Variants in LARGE1 observed in about 807,000 individuals in gnomAD.
LARGE1 encodes xylosyl- and glucuronyltransferase LARGE1.
LARGE1 carries 43 observed loss-of-function variants against 87.6 expected under a neutral mutation model. The ratio of observed to expected loss-of-function variants is 0.49; its 90% confidence interval spans 0.38 to 0.63. The LOEUF (loss-of-function observed/expected upper bound fraction) is 0.63. Ranked by LOEUF, LARGE1 falls within the 30% of genes least tolerant of loss-of-function variation. The probability of loss-of-function intolerance (pLI) is 0.00; values close to 1 mark genes in which losing one functional copy is unlikely to be tolerated. For missense variants in LARGE1, 802 were observed against 1,000.2 expected (o/e 0.80, Z 2.67); for synonymous variants, 434 against 394.6 (o/e 1.10, Z -1.18).
chr22:33,266,253 C>A lies in LARGE1; in HGVS notation c.1730+37976G>T, dbSNP rs1439973640. Among the ~76,000 whole-genome samples, 3 of 124,680 alleles carry A rather than the reference C, an allele frequency of 2.4e-5. No homozygotes were observed. In the East Asian group the frequency reaches 6.7e-4, roughly 28 times the overall value. The allele number at this position is 124,680 out of a possible 152,430, so 81.8% of individuals were successfully genotyped here. On this transcript the variant is annotated intron_variant, in intron 11 of 11. Coordinates refer to the LARGE1 transcript ENST00000608642. ...TTTTTTTTTTTGAGATGGAGTTTCG[C>A]TCTTGTTGCCCAGGCTGGAGTGCAA...
chr22:33,581,717 C>T (rs148433221), intron 5 of LARGE1, among the ~76,000 whole-genome samples: 311 of 149,508 alleles, frequency 2.1e-3, no homozygotes, highest in African/African-American at 7.4e-3. Flanking sequence ...GAAGCTGAGG[C>T]AGGAGAATTG....
In LARGE1 at chr22:33,361,637, G is replaced by A. The variant is rs1045093347; in HGVS notation, c.1131+20282C>T. 2.7e-5 allele frequency among the ~76,000 whole-genome samples: 4 copies of A among 147,316 alleles called. 1 individual carries two copies. The highest frequency in any genetic ancestry group is 1.0e-4 in the African/African-American group (4 of 39,928). On this transcript the variant is annotated intron_variant, in intron 9 of 14. Coordinates refer to ENST00000397394, the MANE Select transcript of LARGE1 (RefSeq NM_133642.5). ...AGGAAGAGAGTTCAGGTGTCTGGGA[G>A]TTTGGATATCAAGATTCAGCTCAGG...
rs538926392 is a variant in LARGE1 at position 33,888,214 on chromosome 22, T to C, written c.-83+31781A>G. On this transcript the variant is annotated intron_variant, in intron 1 of 14. Transcript: ENST00000397394. ...GTAGTCACATTCATGACCCAGAAGA[T>C]GCTTATATTAATTTTAGATGACATC... Among the ~76,000 whole-genome samples the C allele has an allele frequency of 3.3e-5, 5 of 152,078 alleles. No homozygotes were observed. In the East Asian group the frequency reaches 9.7e-4, roughly 29 times the overall value.
At chr22:33,207,123 G>GT (rs77619341) in intron 11 of LARGE1, among the ~76,000 whole-genome samples, 33,464 of 151,958 alleles carry the variant, frequency 0.22, 4,077 homozygotes, top group Middle Eastern at 0.34. Flanking sequence ...TGAAAGCATG[G>GT]TTTTCCTCTT....
intron 6 of LARGE1, among the ~76,000 whole-genome samples, chr22:33,515,922 C>A (rs967999006): frequency 6.6e-6 from 1 of 152,182 alleles, no homozygotes; most frequent in Non-Finnish European, 1.5e-5. Flanking sequence ...GTGTATTCCA[C>A]ACACACAGCA....
chr22:33,290,326 C>A (rs1395302556), intron 12 of LARGE1, among the ~76,000 whole-genome samples: 5 of 152,204 alleles, frequency 3.3e-5, no homozygotes, highest in African/African-American at 1.2e-4. Flanking sequence ...GACAACTTCA[C>A]CTCCTCGGAG....
At chr22:33,265,437 G>A (rs1927881311) in intron 11 of LARGE1, among the ~76,000 whole-genome samples, 1 of 152,172 alleles carries the variant, frequency 6.6e-6, no homozygotes, top group African/African-American at 2.4e-5. Context: ...TGTGGCAATA[G>A]TCCTGAATAG....
At chr22:33,307,229 A>G (rs936756543) in intron 11 of LARGE1, among the ~76,000 whole-genome samples, 2 of 152,180 alleles carry the variant, frequency 1.3e-5, no homozygotes, top group African/African-American at 2.4e-5. Flanking sequence ...CATAGTAACT[A>G]TAATATTGAG....
chr22:33,618,076 C>T (rs796193123), intron 4 of LARGE1, among the ~76,000 whole-genome samples: 5 of 152,168 alleles, frequency 3.3e-5, no homozygotes, highest in Admixed American at 6.5e-5. Context: ...GAAAAGAAAG[C>T]GCGTGTGACA....
At chr22:33,628,868 G>C (rs2149087089) in intron 3 of LARGE1, among the ~76,000 whole-genome samples, 1 of 152,210 alleles carries the variant, frequency 6.6e-6, no homozygotes, top group East Asian at 1.9e-4. Context: ...GGGGGGCAGG[G>C]GGATGCTACT....
At chr22:33,292,508 G>A (rs1179018500) in intron 12 of LARGE1, among the ~76,000 whole-genome samples, 1 of 152,124 alleles carries the variant, frequency 6.6e-6, no homozygotes, top group Non-Finnish European at 1.5e-5. Context: ...AGGCTGATGG[G>A]GAGAGAGCAC....
intron 6 of LARGE1, among the ~76,000 whole-genome samples, chr22:33,453,579 C>G (rs1173534649): frequency 6.6e-6 from 1 of 152,184 alleles, no homozygotes; most frequent in Non-Finnish European, 1.5e-5. Context: ...ATGGTTCACT[C>G]TTATCACTGA....
intron 1 of LARGE1, among the ~76,000 whole-genome samples, chr22:33,796,413 G>A (rs561266618): frequency 4.0e-4 from 61 of 152,278 alleles, no homozygotes; most frequent in Non-Finnish European, 2.6e-4. Context: ...CTTCTGACTG[G>A]GAGGACACCA....
chr22:33,100,402 G>T, the LARGE1 span, among the ~76,000 whole-genome samples: 1 of 137,640 alleles, frequency 7.3e-6, no homozygotes, highest in Non-Finnish European at 1.6e-5. Context: ...ATAAATCTAA[G>T]TTCATCAAAA....
At chr22:33,367,758 C>A (rs1438166434) in intron 9 of LARGE1, among the ~76,000 whole-genome samples, 1 of 152,106 alleles carries the variant, frequency 6.6e-6, no homozygotes, top group Non-Finnish European at 1.5e-5. Flanking sequence ...AATATATCAT[C>A]TTGAGTTGCA....
chr22:33,091,442 C>T, the LARGE1 span, among the ~76,000 whole-genome samples: 137 of 152,200 alleles, frequency 9.0e-4, no homozygotes, highest in African/African-American at 3.1e-3. Flanking sequence ...CGCCTGTAAT[C>T]TCAGCTACTT....
intron 2 of LARGE1, among the ~76,000 whole-genome samples, chr22:33,690,662 G>C (rs992481830): frequency 1.2e-5 from 1 of 83,794 alleles, no homozygotes; most frequent in Non-Finnish European, 2.2e-5. Context: ...AAAGAGACCA[G>C]AGAAGAGGAA....
At chr22:33,356,669 C>G (rs557425892) in intron 9 of LARGE1, among the ~76,000 whole-genome samples, 1 of 152,236 alleles carries the variant, frequency 6.6e-6, no homozygotes, top group African/African-American at 2.4e-5. Context: ...ACTTGGGAGG[C>G]TGAGGCAGGA....
At chr22:33,421,990 G>A (rs972582330) in intron 7 of LARGE1, among the ~76,000 whole-genome samples, 10 of 152,232 alleles carry the variant, frequency 6.6e-5, no homozygotes, top group African/African-American at 2.2e-4. Flanking sequence ...AGTAGCCCAT[G>A]GCAGTACTGC....
Sources: gnomAD v4.1 joint callset for allele counts (sites outside exome capture counted in the v4.1 genomes callset) on GRCh38, gnomAD v4.1.1 for gene constraint, MANE v1.5 for transcripts, NCBI Gene and HGNC (gene_info 2026-07-23, HGNC 2026-07-21) for gene names.